The following KDM7A variants were observed in gnomAD, a reference collection of about 807,000 sequenced individuals.
KDM7A encodes lysine demethylase 7A.
A neutral mutation model predicts 114.8 loss-of-function variants in KDM7A; 28 were observed. The observed-to-expected ratio is 0.24, with a 90% CI of 0.18 to 0.33. KDM7A has a LOEUF of 0.33. Ranked by LOEUF, KDM7A falls within the 10% of genes least tolerant of loss-of-function variation. KDM7A has a pLI of 1.00. For missense variants in KDM7A, 942 were observed against 1,142.5 expected (o/e 0.82, Z 2.53); for synonymous variants, 423 against 397.8 (o/e 1.06, Z -0.75).
At chr7:140,100,687 T>TATATATATATATATATATACAC (rs1562945948) in intron 12 of KDM7A, among the ~76,000 whole-genome samples, 5 of 40,926 alleles carry the variant, frequency 1.2e-4, no homozygotes, top group Non-Finnish European at 2.1e-4. Context: ...TATACATATA[T>TATATATATATATATATATACAC]ACATATATAT....
rs1019538578 is a variant in KDM7A, at chr7:140,113,310, C to T, written c.1338+181G>A. Among the ~76,000 whole-genome samples the T allele has an allele frequency of 8.5e-5, 13 of 152,248 alleles. 1 individual carries two copies. The East Asian group carries it at 2.5e-3, about 29-fold the overall frequency. ...AGATTAAAGAAATAAATACTTTATT[C>T]TCATAAAAGAAGCCAGTACATTTGT... On this transcript the variant is annotated intron_variant, in intron 10 of 19. Coordinates refer to ENST00000397560, the MANE Select transcript of KDM7A (RefSeq NM_030647.2).
intron 1 of KDM7A, among the ~76,000 whole-genome samples, chr7:140,150,383 C>CA (rs1248413910): frequency 6.6e-6 from 1 of 152,196 alleles, no homozygotes; most frequent in African/African-American, 2.4e-5. Context: ...CTTTAACACT[C>CA]AGTCTATCTG....
intron 1 of KDM7A, among the ~76,000 whole-genome samples, chr7:140,140,742 C>CAA (rs56713880): frequency 7.8e-5 from 9 of 116,068 alleles, no homozygotes; most frequent in Admixed American, 1.8e-4. Flanking sequence ...GACTTCATCT[C>CAA]AAAAAAAAAA....
At chr7:140,145,760 TTCCTCAC>T (rs1367462491) in intron 1 of KDM7A, among the ~76,000 whole-genome samples, 1 of 152,162 alleles carries the variant, frequency 6.6e-6, no homozygotes, top group Non-Finnish European at 1.5e-5. Flanking sequence ...CATGGCCACA[TTCCTCAC>T]TCCTAAGAAG....
chr7:140,135,639 A>G (rs1818858715), intron 2 of KDM7A, among the ~76,000 whole-genome samples: 1 of 152,294 alleles, frequency 6.6e-6, no homozygotes, highest in South Asian at 2.1e-4. Flanking sequence ...TATTATAATC[A>G]TTTTTTGATT....
At chr7:140,137,023 G>A (rs1322869025) in intron 2 of KDM7A, among the ~76,000 whole-genome samples, 3 of 151,548 alleles carry the variant, frequency 2.0e-5, no homozygotes, top group Non-Finnish European at 4.4e-5. Context: ...AAAAAAGAGA[G>A]AAGCTTAATA....
chr7:140,142,010 T>C (rs376160631), intron 1 of KDM7A, among the ~76,000 whole-genome samples: 130 of 139,146 alleles, frequency 9.3e-4, no homozygotes, highest in Middle Eastern at 3.8e-3. Context: ...ATGATATTTA[T>C]ATATAATATA....
intron 1 of KDM7A, among the ~76,000 whole-genome samples, chr7:140,170,733 C>T (rs1270799644): frequency 6.6e-6 from 1 of 152,120 alleles, no homozygotes; most frequent in African/African-American, 2.4e-5. Flanking sequence ...TCTCTCTTTC[C>T]CTTCGAGAAT....
chr7:140,145,021 A>C (rs1297142627), intron 1 of KDM7A, among the ~76,000 whole-genome samples: 3 of 152,210 alleles, frequency 2.0e-5, no homozygotes, highest in African/African-American at 7.2e-5. Context: ...ACAGCCATAG[A>C]ACCATGAGTC....
At chr7:140,171,523 A>ATATATTTATTTATATATTTATAAATG (rs1794638987) in intron 1 of KDM7A, among the ~76,000 whole-genome samples, 1 of 145,118 alleles carries the variant, frequency 6.9e-6, no homozygotes, top group African/African-American at 2.5e-5. Flanking sequence ...ATTTATAAAT[A>ATATATTTATTTATATATTTATAAATG]TATATTTATT....
chr7:140,120,556 A>C (rs1238796634), intron 7 of KDM7A, 27 bp from the exon 8 acceptor site: 1 of 1,366,764 alleles, frequency 7.3e-7, no homozygotes, highest in South Asian at 1.2e-5. Context: ...TATATAAACC[A>C]GTCATTTTTC....
At position 140,096,540 on chromosome 7, in the gene KDM7A, A is replaced by G; in HGVS notation, c.2374+15T>C. ...ATATGTTACTTTTTAGAGACTGATA[A>G]TTTATGTTTCTTACCACATTCCACT... is the stretch of plus-strand genomic sequence containing the variant. On this transcript the variant is annotated intron_variant, in intron 17 of 19. Coordinates refer to ENST00000397560, the MANE Select transcript of KDM7A (RefSeq NM_030647.2). 1 of 1,600,232 alleles carries G rather than the reference A, an allele frequency of 6.2e-7. No homozygotes were observed. Among genetic ancestry groups the G allele is most frequent in the Non-Finnish European group, 8.6e-7 (1 of 1,167,478 alleles).
At chr7:140,120,378 TAAAA>T (rs879043362) in intron 8 of KDM7A, 60 bp downstream of exon 8, 61 of 833,724 alleles carry the variant, frequency 7.3e-5, no homozygotes, top group Non-Finnish European at 1.1e-4. Context: ...TTTTTTAAGT[TAAAA>T]AAAAAAGTAT....
Position 140,088,485 on chromosome 7 carries a change from G to A in KDM7A, c.*2609C>T. The A allele has an allele frequency of 2.5e-6, 1 of 398,390 alleles. No individual in the cohort carries two copies. The highest frequency in any genetic ancestry group is 4.4e-6 in the Non-Finnish European group (1 of 225,880). The allele number at this position is 398,390 out of a possible 1,614,324, so 24.7% of individuals were successfully genotyped here. On this transcript the variant is annotated 3_prime_UTR_variant, in exon 20 of 20. Transcript: ENST00000397560. ...GCTGTCTTCCTAAGTTGCTGTGTCTGTATGGTATAAATGAGGTTCTCTATT... is the reference window on the plus strand; with the variant it reads ...GCTGTCTTCCTAAGTTGCTGTGTCTATATGGTATAAATGAGGTTCTCTATT...
intron 1 of KDM7A, among the ~76,000 whole-genome samples, chr7:140,170,360 A>C (rs1440056026): frequency 6.6e-6 from 1 of 152,260 alleles, no homozygotes; most frequent in African/African-American, 2.4e-5. Flanking sequence ...CCCTGCCTCA[A>C]CTGTCTCACC....
chr7:140,139,015 G>T, intron 2 of KDM7A, 90 bp downstream of exon 2: 1 of 804,782 alleles, frequency 1.2e-6, no homozygotes, highest in East Asian at 2.5e-5. Flanking sequence ...TAACTCCTCA[G>T]AGTATCATTA....
At chr7:140,139,994 A>C (rs895672958) in intron 1 of KDM7A, among the ~76,000 whole-genome samples, 1 of 152,238 alleles carries the variant, frequency 6.6e-6, no homozygotes, top group Non-Finnish European at 1.5e-5. Flanking sequence ...TAATTTTAAA[A>C]ATTGACCCAC....
intron 9 of KDM7A, among the ~76,000 whole-genome samples, chr7:140,114,577 G>A (rs990667823): frequency 1.3e-5 from 2 of 152,168 alleles, no homozygotes; most frequent in Non-Finnish European, 2.9e-5. Flanking sequence ...TGCAGCCTCT[G>A]CCCAGCCGCC....
In KDM7A at chr7:140,117,803, C is replaced by T. The variant is rs937115405; in HGVS notation, c.1246+1310G>A. Among the ~76,000 whole-genome samples, 5 of 152,298 alleles carry T rather than the reference C, an allele frequency of 3.3e-5. 1 individual carries two copies. The South Asian group carries it at 1.0e-3, about 32-fold the overall frequency. Reference sequence around the variant, plus strand: ...CAGCCAAGAAAAATAACTGAAAACACTGAATGTGTCAGGGATTCACGATAA... The same window carrying T: ...CAGCCAAGAAAAATAACTGAAAACATTGAATGTGTCAGGGATTCACGATAA... On this transcript the variant is annotated intron_variant, in intron 9 of 19. Transcript: ENST00000397560.
Sources: gnomAD v4.1 joint callset for allele counts (sites outside exome capture counted in the v4.1 genomes callset) on GRCh38, gnomAD v4.1.1 for gene constraint, MANE v1.5 for transcripts, NCBI Gene and HGNC (gene_info 2026-07-23, HGNC 2026-07-21) for gene names.